Variants in GRIA3 observed in about 807,000 individuals in gnomAD.
The protein encoded by GRIA3 is glutamate ionotropic receptor AMPA type subunit 3, also known as glutamate receptor 3.
Under a neutral mutation model 63.0 loss-of-function variants are expected in GRIA3, and 3 were observed. The ratio of observed to expected loss-of-function variants is 0.05; its 90% CI spans 0.02 to 0.12. The LOEUF is 0.12. GRIA3 is among the 10% of genes least tolerant of loss of function. The pLI is 1.00. For synonymous variants in GRIA3, 274 were observed against 257.9 expected (o/e 1.06, Z -0.60); for missense variants, 347 against 700.9 (o/e 0.50, Z 5.70).
intron 2 of GRIA3, among the ~76,000 whole-genome samples, chrX:123,200,797 C>CT (rs1927716354): frequency 9.0e-6 from 1 of 111,074 alleles, no homozygotes; most frequent in Non-Finnish European, 1.9e-5. Context: ...TTTTTCTGGT[C>CT]TTTTTTGGGA....
rs897652933 is a variant in GRIA3, at chrX:123,292,497, C to T, written c.509-33529C>T. On this transcript the variant is annotated intron_variant, in intron 3 of 15. Coordinates refer to ENST00000620443, the MANE Select transcript of GRIA3 (RefSeq NM_007325.5). The stretch of plus-strand genomic sequence containing the variant: ...AAAAACAACCTTTGAAGACCTCCCC[C>T]CACCCCACACCCCAAAAAAGCAAAT... 3.6e-5 allele frequency among the ~76,000 whole-genome samples: 4 copies of T among 110,573 alleles called. No individual in the cohort carries two copies. In the Admixed American group the frequency reaches 3.9e-4, roughly 11 times the overall value.
chrX:123,389,177 A>C (rs944985483), intron 5 of GRIA3, among the ~76,000 whole-genome samples: 3 of 112,404 alleles, frequency 2.7e-5, no homozygotes, highest in African/African-American at 9.7e-5. Context: ...GCTGATGAGA[A>C]GAATGTGTAT....
chrX:123,367,748 GT>G (rs2045221489), intron 5 of GRIA3, among the ~76,000 whole-genome samples: 5 of 111,113 alleles, frequency 4.5e-5, no homozygotes, highest in East Asian at 2.8e-4. Context: ...TCTGGATGTT[GT>G]TTGTTTGTTT....
At chrX:123,344,897 T>G (rs2045033840) in intron 4 of GRIA3, among the ~76,000 whole-genome samples, 1 of 111,636 alleles carries the variant, frequency 9.0e-6, no homozygotes, top group Non-Finnish European at 1.9e-5. Context: ...AGGTGGTTCT[T>G]AAATTTCAGT....
intron 5 of GRIA3, among the ~76,000 whole-genome samples, chrX:123,360,788 A>G (rs2045166810): frequency 9.8e-6 from 1 of 101,828 alleles, no homozygotes; most frequent in Non-Finnish European, 2.0e-5. Flanking sequence ...ACAGGCATCA[A>G]TTACATCCCC....
chrX:123,202,718 T>C, intron 2 of GRIA3: 1 of 1,166,113 alleles, frequency 8.6e-7, no homozygotes, highest in Non-Finnish European at 1.1e-6. Flanking sequence ...GCAAAGATCA[T>C]GGGCTGCTGC....
chrX:123,431,964 T>C (rs1285209949), intron 12 of GRIA3, among the ~76,000 whole-genome samples: 1 of 112,166 alleles, frequency 8.9e-6, no homozygotes, highest in Non-Finnish European at 1.9e-5. Flanking sequence ...TTTTACTTCA[T>C]AGTATTTAAC....
chrX:123,217,798 A>G (rs1928195992), intron 2 of GRIA3, among the ~76,000 whole-genome samples: 1 of 112,300 alleles, frequency 8.9e-6, no homozygotes, highest in African/African-American at 3.2e-5. Flanking sequence ...ATTCAATTTC[A>G]TGTGTACTGT....
chrX:123,186,861 T>C (rs143853430), intron 2 of GRIA3, among the ~76,000 whole-genome samples: 1,566 of 111,937 alleles, frequency 0.014, 31 homozygotes, highest in African/African-American at 0.048. Context: ...AAATCCTTAG[T>C]TGTACCGGGT....
At chrX:123,373,825 A>G (rs1313641721) in intron 5 of GRIA3, among the ~76,000 whole-genome samples, 3 of 111,446 alleles carry the variant, frequency 2.7e-5, no homozygotes, top group Non-Finnish European at 5.6e-5. Context: ...CTCTGATGGT[A>G]GTTTCTTTTG....
chrX:123,485,786 A>G (rs2045936794), intron 15 of GRIA3, among the ~76,000 whole-genome samples: 1 of 111,338 alleles, frequency 9.0e-6, no homozygotes. Flanking sequence ...TCCAATTACT[A>G]TAGCCTCAGA....
chrX:123,291,071 G>A (rs1338158653), intron 3 of GRIA3, among the ~76,000 whole-genome samples: 1 of 111,509 alleles, frequency 9.0e-6, no homozygotes, highest in African/African-American at 3.3e-5. Context: ...AGGCCCTGAG[G>A]GAAACAGGAC....
intron 12 of GRIA3, among the ~76,000 whole-genome samples, chrX:123,440,393 A>G (rs1370799657): frequency 1.8e-5 from 2 of 112,268 alleles, no homozygotes; most frequent in Non-Finnish European, 3.8e-5. Flanking sequence ...CAATGGTTGA[A>G]CTAATTTACA....
intron 6 of GRIA3, among the ~76,000 whole-genome samples, chrX:123,397,671 G>A (rs1391518598): frequency 8.9e-6 from 1 of 112,107 alleles, no homozygotes; most frequent in African/African-American, 3.2e-5. Context: ...ATTGATAGTT[G>A]TAGAGGCAAT....
chrX:123,348,439 T>A (rs1177220406), intron 4 of GRIA3, among the ~76,000 whole-genome samples: 1 of 111,641 alleles, frequency 9.0e-6, no homozygotes, highest in Non-Finnish European at 1.9e-5. Context: ...CTAATTTCCC[T>A]TTGCTGTGAT....
intron 3 of GRIA3, among the ~76,000 whole-genome samples, chrX:123,282,027 C>T (rs990413182): frequency 9.0e-6 from 1 of 111,547 alleles, no homozygotes; most frequent in Non-Finnish European, 1.9e-5. Flanking sequence ...ATCTGGAGGA[C>T]TTGTTAAAAC....
At chrX:123,257,493 AAGGG>A (rs1161997763) in intron 3 of GRIA3, among the ~76,000 whole-genome samples, 3 of 102,937 alleles carry the variant, frequency 2.9e-5, no homozygotes, top group African/African-American at 1.0e-4. Context: ...GGAAGGGAGG[AAGGG>A]AGGGAGGGAG....
chrX:123,470,272 C>T (rs781156648), intron 13 of GRIA3, among the ~76,000 whole-genome samples: 1 of 111,519 alleles, frequency 9.0e-6, no homozygotes, highest in Non-Finnish European at 1.9e-5. Context: ...TGGTAAGATG[C>T]TCATTATGAC....
chrX:123,332,162 C>T (rs908517492), intron 4 of GRIA3, among the ~76,000 whole-genome samples: 16 of 100,188 alleles, frequency 1.6e-4, no homozygotes, highest in Admixed American at 1.1e-4. Flanking sequence ...TGTTAGAAAA[C>T]CTCTCTGGTT....
Sources: allele counts gnomAD v4.1 joint callset (sites outside exome capture counted in the v4.1 genomes callset), GRCh38; gene constraint gnomAD v4.1.1; transcripts MANE v1.5; gene names NCBI Gene and HGNC (gene_info 2026-07-23, HGNC 2026-07-21).